Variants in ANXA10 observed in about 807,000 individuals in gnomAD.
ANXA10 encodes annexin 14.
Under a neutral mutation model 53.5 loss-of-function variants are expected in ANXA10, and 49 were observed. That is an observed-to-expected ratio of 0.92 (90% CI 0.73 to 1.16). The LOEUF is 1.16. Ranked by LOEUF, ANXA10 falls within the 50% of genes most tolerant of loss-of-function variation. ANXA10 has a pLI of 0.00. For synonymous variants in ANXA10, 131 were observed against 128.9 expected (o/e 1.02, Z -0.11); for missense variants, 393 against 394.4 (o/e 1.00, Z 0.03).
intron 3 of ANXA10, among the ~76,000 whole-genome samples, chr4:168,140,156 A>G (rs1289919071): frequency 6.6e-6 from 1 of 152,238 alleles, no homozygotes; most frequent in Non-Finnish European, 1.5e-5. Context: ...TCTAATTTCA[A>G]AGCAAGTACC....
intron 3 of ANXA10, among the ~76,000 whole-genome samples, chr4:168,144,319 T>C (rs1731373682): frequency 6.6e-6 from 1 of 152,136 alleles, no homozygotes; most frequent in Admixed American, 6.5e-5. Context: ...CCCAAGTAGC[T>C]GAGATTACAG....
chr4:168,184,925 C>A (rs977330504), intron 11 of ANXA10, among the ~76,000 whole-genome samples: 37 of 152,168 alleles, frequency 2.4e-4, no homozygotes, highest in Middle Eastern at 3.2e-3. Flanking sequence ...GAGGCTGAGG[C>A]AGGCAGATCA....
At chr4:168,162,740 A>G (rs942540006) in intron 4 of ANXA10, 99 bp downstream of exon 4, 2 of 863,190 alleles carry the variant, frequency 2.3e-6, no homozygotes, top group African/African-American at 3.3e-5. Flanking sequence ...TTATATGATC[A>G]AGGAGAGGGG....
intron 1 of ANXA10, among the ~76,000 whole-genome samples, chr4:168,116,041 G>A (rs1379348803): frequency 6.6e-6 from 1 of 151,944 alleles, no homozygotes; most frequent in East Asian, 1.9e-4. Context: ...AGAAAAGGAA[G>A]GTACCTGCCC....
intron 3 of ANXA10, among the ~76,000 whole-genome samples, chr4:168,146,541 CAT>C (rs1455820299): frequency 6.6e-6 from 1 of 152,122 alleles, no homozygotes; most frequent in Non-Finnish European, 1.5e-5. Context: ...GCGTCAGAAA[CAT>C]AGAATGCTTT....
At chr4:168,159,169 C>T (rs1471016552) in intron 3 of ANXA10, among the ~76,000 whole-genome samples, 1 of 152,158 alleles carries the variant, frequency 6.6e-6, no homozygotes, top group Non-Finnish European at 1.5e-5. Flanking sequence ...AGCTTTCCTC[C>T]TTATACTGCT....
chr4:168,092,553 A>T lies in ANXA10; in HGVS notation c.-148A>T. 1.3e-6 allele frequency: 1 copy of T among 749,092 alleles called. No homozygotes were observed. Among genetic ancestry groups the T allele is most frequent in the Non-Finnish European group, 2.2e-6 (1 of 464,136 alleles). The allele number at this position is 749,092 out of a possible 1,614,324, so 46.4% of individuals were successfully genotyped here. The stretch of plus-strand genomic sequence containing the variant: ...TCATGCTGTATCCAGATTTGCTTTT[A>T]CATTTTCTTGCCTGAGTCTGAGGTG... On this transcript the variant is annotated 5_prime_UTR_variant, in exon 1 of 12. Transcript: ENST00000359299.
intron 1 of ANXA10, among the ~76,000 whole-genome samples, chr4:168,111,009 A>C (rs1038146982): frequency 3.3e-5 from 5 of 152,196 alleles, no homozygotes; most frequent in Admixed American, 6.5e-5. Flanking sequence ...AAGCTAAAGA[A>C]CTTTTAATCT....
In ANXA10 at chr4:168,177,895, A is replaced by G. The variant is rs906534829; in HGVS notation, c.540A>G (p.Leu180=). Residue 180 remains leucine (L), a synonymous_variant, in exon 8 of 12, where the codon CTA becomes CTG. Transcript: ENST00000359299. ...TCTGCTGGCTAATGTTCCAGGTCCT[A>G]TGGGAAGCCTGTCAGCAGAAGACGG... is the stretch of plus-strand genomic sequence containing the variant. ...PAMAAQDAMV[L]WEACQQKTGE... 3.1e-6 allele frequency: 5 copies of G among 1,614,174 alleles called. No homozygotes were observed. Among genetic ancestry groups the G allele is most frequent in the South Asian group, 2.2e-5 (2 of 91,084 alleles).
chr4:168,155,752 A>G (rs1378485298), intron 3 of ANXA10, among the ~76,000 whole-genome samples: 1 of 44,100 alleles, frequency 2.3e-5, no homozygotes, highest in Non-Finnish European at 3.7e-5. Context: ...TATATTATAT[A>G]TTATATAATA....
In ANXA10 at chr4:168,136,558, T is replaced by C. The variant is rs917526857; in HGVS notation, c.101-2928T>C. Among the ~76,000 whole-genome samples, 3 of 152,300 alleles carry C rather than the reference T, an allele frequency of 2.0e-5. No homozygotes were observed. In the South Asian group the frequency reaches 6.2e-4, roughly 32 times the overall value. ...GTCATTGAATCTTAAAGTTCCCAAA[T>C]AATATCCTTCGACTCCATGTCTCAT... On this transcript the variant is annotated intron_variant, in intron 2 of 11. Coordinates refer to ENST00000359299, the MANE Select transcript of ANXA10 (RefSeq NM_007193.5).
chr4:168,161,598 A>G (rs1179622844), intron 3 of ANXA10, among the ~76,000 whole-genome samples: 1 of 152,168 alleles, frequency 6.6e-6, no homozygotes, highest in Non-Finnish European at 1.5e-5. Context: ...AATTCTGTGA[A>G]GAACATTAAT....
At chr4:168,158,613 C>T (rs1731729340) in intron 3 of ANXA10, among the ~76,000 whole-genome samples, 1 of 152,112 alleles carries the variant, frequency 6.6e-6, no homozygotes, top group African/African-American at 2.4e-5. Context: ...TAAGAGCAGA[C>T]ATCCTTGCCT....
intron 1 of ANXA10, among the ~76,000 whole-genome samples, chr4:168,116,123 A>G (rs1730889519): frequency 6.6e-6 from 1 of 152,254 alleles, no homozygotes; most frequent in African/African-American, 2.4e-5. Flanking sequence ...TAGAGATGCA[A>G]AGTGAATAAT....
At chr4:168,102,001 T>C (rs1730647374) in intron 1 of ANXA10, among the ~76,000 whole-genome samples, 1 of 152,146 alleles carries the variant, frequency 6.6e-6, no homozygotes, top group Non-Finnish European at 1.5e-5. Flanking sequence ...TGCTTATTTG[T>C]TTAACCCTAC....
intron 1 of ANXA10, among the ~76,000 whole-genome samples, chr4:168,126,616 C>A (rs1731074030): frequency 6.6e-6 from 1 of 152,086 alleles, no homozygotes; most frequent in Non-Finnish European, 1.5e-5. Flanking sequence ...TATCTAGGAC[C>A]AGCTCTTCCC....
chr4:168,105,008 T>C (rs893625648), intron 1 of ANXA10, among the ~76,000 whole-genome samples: 1 of 151,962 alleles, frequency 6.6e-6, no homozygotes, highest in Non-Finnish European at 1.5e-5. Context: ...AGTGGCAGAC[T>C]TGTGTGATAA....
At chr4:168,180,791 T>G (rs1017400622) in intron 9 of ANXA10, among the ~76,000 whole-genome samples, 10 of 152,240 alleles carry the variant, frequency 6.6e-5, no homozygotes, top group African/African-American at 2.4e-4. Flanking sequence ...CATGTATTAA[T>G]TTGTTAACCT....
At chr4:168,174,276 T>TA (rs1468664574) in intron 6 of ANXA10, among the ~76,000 whole-genome samples, 1 of 152,224 alleles carries the variant, frequency 6.6e-6, no homozygotes, top group Non-Finnish European at 1.5e-5. Context: ...ATGGTGGAAC[T>TA]AAAAGAGCTG....
Sources: gnomAD v4.1 joint callset for allele counts (sites outside exome capture counted in the v4.1 genomes callset) on GRCh38, gnomAD v4.1.1 for gene constraint, MANE v1.5 for transcripts, NCBI Gene and HGNC (gene_info 2026-07-23, HGNC 2026-07-21) for gene names.